The following TRAPPC9 variants were observed in gnomAD, a reference collection of about 807,000 sequenced individuals.
TRAPPC9 encodes the protein IKK2 binding protein.
A neutral mutation model predicts 124.0 loss-of-function variants in TRAPPC9; 83 were observed. The ratio of observed to expected loss-of-function variants is 0.67; its 90% CI spans 0.56 to 0.80. TRAPPC9 has a LOEUF of 0.80. TRAPPC9 is among the 30% of genes least tolerant of loss of function. The pLI is 0.00. For missense variants in TRAPPC9, 1,302 were observed against 1,508.3 expected (o/e 0.86, Z 2.27); for synonymous variants, 638 against 617.5 (o/e 1.03, Z -0.49).
At chr8:139,885,689 A>G (rs544548554) in intron 21 of TRAPPC9, among the ~76,000 whole-genome samples, 190 bp downstream of exon 21, 1 of 152,330 alleles carries the variant, frequency 6.6e-6, no homozygotes, top group East Asian at 1.9e-4. Context: ...TAGGTGAACA[A>G]AGATGACCTC....
At position 140,125,587 on chromosome 8, in the gene TRAPPC9, C is replaced by T. The variant is rs971451510; in HGVS notation, c.2556+95872G>A. Among the ~76,000 whole-genome samples the T allele has an allele frequency of 6.4e-3, 434 of 67,794 alleles. 7 individuals carry two copies. Among genetic ancestry groups the T allele is most frequent in the African/African-American group, 0.024 (389 of 16,274 alleles). The allele number at this position is 67,794 out of a possible 152,430, so 44.5% of individuals were successfully genotyped here. On this transcript the variant is annotated intron_variant, in intron 17 of 22. Transcript: ENST00000438773. The stretch of plus-strand genomic sequence containing the variant: ...GCATGTTCATTTATCGAATCTCATT[C>T]TTTTTTTTTTTTTTTTTTTTTTTTT...
At position 139,886,008 on chromosome 8, in the gene TRAPPC9, C is replaced by G. The variant is rs758546257; in HGVS notation, c.2965-39G>C. 6.7e-5 allele frequency: 103 copies of G among 1,539,210 alleles called. 1 individual carries two copies. The Middle Eastern group carries it at 1.0e-3, about 15-fold the overall frequency. ...AAGGAAAACGCAACTCCTGCGGAGC[C>G]CAGGGACAGAAGAACGTCTAGAAGT... On this transcript the variant is annotated intron_variant, in intron 20 of 22. Coordinates refer to ENST00000438773, the MANE Select transcript of TRAPPC9 (RefSeq NM_001160372.4).
chr8:140,225,641 C>CA (rs1443050690), intron 16 of TRAPPC9, among the ~76,000 whole-genome samples: 1 of 152,176 alleles, frequency 6.6e-6, no homozygotes, highest in African/African-American at 2.4e-5. Context: ...CATGTTACCC[C>CA]AGGAACCAGG....
intron 16 of TRAPPC9, among the ~76,000 whole-genome samples, chr8:140,244,111 C>T (rs778608627): frequency 3.3e-5 from 5 of 152,164 alleles, no homozygotes; most frequent in African/African-American, 7.2e-5. Context: ...CACCATGGTC[C>T]GCAGAAAAAC....
chr8:139,783,770 A>G (rs1328625043), intron 21 of TRAPPC9, among the ~76,000 whole-genome samples: 1 of 152,270 alleles, frequency 6.6e-6, no homozygotes, highest in Admixed American at 6.5e-5. Flanking sequence ...TACTGAATCC[A>G]ACATATATGA....
chr8:140,105,936 T>G (rs2060655617), intron 17 of TRAPPC9, among the ~76,000 whole-genome samples: 1 of 151,916 alleles, frequency 6.6e-6, no homozygotes, highest in African/African-American at 2.4e-5. Flanking sequence ...TCTCTCATCT[T>G]TCCTTAAAAG....
rs147643948 is a variant in TRAPPC9 at position 140,372,408 on chromosome 8, G to A, written c.1135-1228C>T. On this transcript the variant is annotated intron_variant, in intron 7 of 22. Transcript: ENST00000438773. ...CCTCCGCGCTCACTGCCATGGCCTC[G>A]ATGGGGCCCTCGTCAGCCCTCATCT... Among the ~76,000 whole-genome samples the A allele has an allele frequency of 5.0e-3, 754 of 152,248 alleles. 11 individuals are homozygous for A. Among genetic ancestry groups the A allele is most frequent in the African/African-American group, 0.018 (731 of 41,538 alleles).
chr8:139,886,097 ACTGT>A (rs1829999556), intron 20 of TRAPPC9, 128 bp from the exon 21 acceptor site: 1 of 862,652 alleles, frequency 1.2e-6, no homozygotes, highest in African/African-American at 1.7e-5. Context: ...TTCTGAAGGG[ACTGT>A]CTAACCAACC....
chr8:139,920,260 A>G (rs1221285797), intron 19 of TRAPPC9, among the ~76,000 whole-genome samples: 1 of 152,280 alleles, frequency 6.6e-6, no homozygotes, highest in East Asian at 1.9e-4. Flanking sequence ...GCAGGAGAAT[A>G]ACCTGGACTC....
chr8:139,971,695 A>G (rs1836077584), intron 19 of TRAPPC9, among the ~76,000 whole-genome samples: 1 of 151,938 alleles, frequency 6.6e-6, no homozygotes, highest in African/African-American at 2.4e-5. Context: ...AATGGCAAGA[A>G]TGAATGCTAA....
chr8:139,775,841 G>T (rs904023533), intron 21 of TRAPPC9, among the ~76,000 whole-genome samples: 7 of 152,218 alleles, frequency 4.6e-5, no homozygotes, highest in African/African-American at 1.4e-4. Context: ...TGTCCTTCCT[G>T]CCCAGTACCT....
At chr8:140,389,953 ATT>A (rs2068877494) in intron 7 of TRAPPC9, among the ~76,000 whole-genome samples, 1 of 152,200 alleles carries the variant, frequency 6.6e-6, no homozygotes, top group South Asian at 2.1e-4. Flanking sequence ...AGTAGATGTA[ATT>A]ATTAAGGGTA....
intron 17 of TRAPPC9, among the ~76,000 whole-genome samples, chr8:140,187,603 C>A (rs2062381318): frequency 1.3e-5 from 2 of 152,212 alleles, no homozygotes; most frequent in African/African-American, 4.8e-5. Context: ...TACATCCTAA[C>A]CTTCTTTCAC....
At chr8:139,975,471 G>A (rs1040556958) in intron 19 of TRAPPC9, among the ~76,000 whole-genome samples, 6 of 152,198 alleles carry the variant, frequency 3.9e-5, no homozygotes, top group Admixed American at 3.9e-4. Flanking sequence ...GACTCCCACA[G>A]GAGGCTTTCA....
At chr8:139,945,543 C>CAAAAAAAAA (rs61528944) in intron 19 of TRAPPC9, among the ~76,000 whole-genome samples, 27 of 66,168 alleles carry the variant, frequency 4.1e-4, no homozygotes, top group African/African-American at 7.6e-4. Context: ...GCACAATTAG[C>CAAAAAAAAA]AAAAAAAAAA....
intron 19 of TRAPPC9, among the ~76,000 whole-genome samples, chr8:139,919,256 C>T (rs1832354442): frequency 6.6e-6 from 1 of 152,196 alleles, no homozygotes; most frequent in Admixed American, 6.5e-5. Context: ...TTGAGTGTCC[C>T]CAGGCCTTGG....
chr8:139,755,091 CGTT>C (rs1306721125), intron 21 of TRAPPC9, among the ~76,000 whole-genome samples: 3 of 152,230 alleles, frequency 2.0e-5, no homozygotes, highest in Non-Finnish European at 4.4e-5. Context: ...CCTGAGAGGT[CGTT>C]GTAATTGGGG....
intron 7 of TRAPPC9, among the ~76,000 whole-genome samples, chr8:140,382,928 G>A (rs934675944): frequency 3.3e-4 from 50 of 152,332 alleles, no homozygotes; most frequent in Admixed American, 2.5e-3. Context: ...GGAACAGACT[G>A]ACACCTCACA....
intron 16 of TRAPPC9, among the ~76,000 whole-genome samples, chr8:140,236,473 T>C (rs777017346): frequency 2.6e-5 from 4 of 152,246 alleles, no homozygotes; most frequent in African/African-American, 9.6e-5. Flanking sequence ...TGGGCAGCTA[T>C]TGACTGCCAC....
Sources: allele counts gnomAD v4.1 joint callset (sites outside exome capture counted in the v4.1 genomes callset), GRCh38; gene constraint gnomAD v4.1.1; transcripts MANE v1.5; gene names NCBI Gene and HGNC (gene_info 2026-07-23, HGNC 2026-07-21).